The following CSMD1 variants were observed in gnomAD, a reference collection of about 807,000 sequenced individuals.
The protein encoded by CSMD1 is CUB and sushi domain-containing protein 1.
In CSMD1, 213 loss-of-function variants were observed where a neutral mutation model predicts 417.5. That is an observed-to-expected ratio of 0.51 (90% CI 0.46 to 0.57). The LOEUF (loss-of-function observed/expected upper bound fraction) is 0.57. Among genes scored for constraint, CSMD1 ranks in the 20% least tolerant of loss-of-function variants. The probability of loss-of-function intolerance (pLI) is 0.00; values close to 1 mark genes in which losing one functional copy is unlikely to be tolerated. For missense variants in CSMD1, 6,923 were observed against 4,529.7 expected (o/e 1.53, Z -15.17); for synonymous variants, 2,862 against 1,736.8 (o/e 1.65, Z -16.11).
intron 7 of CSMD1, among the ~76,000 whole-genome samples, chr8:3,646,659 G>A (rs1045995886): frequency 1.3e-5 from 2 of 152,154 alleles, no homozygotes; most frequent in South Asian, 2.1e-4. Context: ...CGTGCTCAGA[G>A]GGCCAAGACT....
chr8:3,163,332 T>C (rs1411631678), intron 37 of CSMD1, among the ~76,000 whole-genome samples: 1 of 152,050 alleles, frequency 6.6e-6, no homozygotes, highest in East Asian at 1.9e-4. Flanking sequence ...AGGAGAGAAC[T>C]TATCAGATTA....
chr8:4,417,216 G>A (rs149060864), intron 3 of CSMD1, among the ~76,000 whole-genome samples: 12 of 152,050 alleles, frequency 7.9e-5, no homozygotes, highest in African/African-American at 2.6e-4. Context: ...GTTCCCACTG[G>A]ATTTCCAGAG....
At position 3,409,639 on chromosome 8, in the gene CSMD1, A is replaced by G. The variant is rs762417923; in HGVS notation, c.1562-34T>C. 19 of 1,487,398 alleles carry G rather than the reference A, an allele frequency of 1.3e-5. No individual in the cohort carries two copies. The East Asian group carries it at 4.4e-4, about 34-fold the overall frequency. The allele number at this position is 1,487,398 out of a possible 1,614,324, so 92.1% of individuals were successfully genotyped here. A position where few individuals can be genotyped will look rare whatever the true frequency, so the allele number is the denominator to read the frequency against. On this transcript the variant is annotated intron_variant, in intron 12 of 69. Transcript: ENST00000635120. ...GGAAAAACAAATGAACCCTTAAAAA[A>G]ACACACACAAGGAATATTTTTATCT... is the stretch of plus-strand genomic sequence containing the variant.
intron 3 of CSMD1, among the ~76,000 whole-genome samples, chr8:4,054,205 G>C (rs899281098): frequency 2.0e-5 from 3 of 152,142 alleles, no homozygotes; most frequent in Non-Finnish European, 4.4e-5. Flanking sequence ...GAGAAGAAAT[G>C]ATTTGGCGCC....
At chr8:4,770,819 A>C (rs1009344719) in intron 1 of CSMD1, among the ~76,000 whole-genome samples, 59 of 152,142 alleles carry the variant, frequency 3.9e-4, no homozygotes, top group Non-Finnish European at 2.6e-4. Context: ...AAAATGAATA[A>C]AAATCCTAAA....
rs140656668 is a variant in CSMD1, at chr8:4,794,703, T to A, written c.86-157145A>T. Among the ~76,000 whole-genome samples the A allele has an allele frequency of 1.3e-5, 2 of 152,210 alleles. 1 individual carries two copies. The highest frequency in any genetic ancestry group is 3.8e-4 in the East Asian group (2 of 5,198). On this transcript the variant is annotated intron_variant, in intron 1 of 69. Coordinates refer to ENST00000635120, the MANE Select transcript of CSMD1 (RefSeq NM_033225.6). ...TATTGGCCCATCTCTCTTAAGGCCA[T>A]GTGGCAGAGTATTTTCTCAGGAAAA...
chr8:3,387,734 A>C, intron 17 of CSMD1, 52 bp from the exon 18 acceptor site: 1 of 1,438,556 alleles, frequency 7.0e-7, no homozygotes, highest in Non-Finnish European at 9.5e-7. Context: ...GTTGATTGAA[A>C]ATAATAGAGA....
intron 3 of CSMD1, among the ~76,000 whole-genome samples, chr8:4,187,922 A>C (rs1411117251): frequency 6.6e-6 from 1 of 152,090 alleles, no homozygotes; most frequent in African/African-American, 2.4e-5. Flanking sequence ...TTGTTAATAA[A>C]ATACAAAACA....
At chr8:4,214,155 C>T (rs544837918) in intron 3 of CSMD1, among the ~76,000 whole-genome samples, 1 of 152,072 alleles carries the variant, frequency 6.6e-6, no homozygotes, top group African/African-American at 2.4e-5. Flanking sequence ...TGGATCTCTA[C>T]TTTGTATTTT....
intron 25 of CSMD1, among the ~76,000 whole-genome samples, chr8:3,288,718 T>G (rs937067424): frequency 6.8e-6 from 1 of 147,250 alleles, no homozygotes; most frequent in Non-Finnish European, 1.5e-5. Flanking sequence ...TGATAGCAGT[T>G]TATCAATTTT....
intron 3 of CSMD1, among the ~76,000 whole-genome samples, chr8:4,200,108 T>C (rs1280613765): frequency 6.6e-6 from 1 of 152,222 alleles, no homozygotes. Flanking sequence ...TTATTTGAGA[T>C]TATAACAACT....
chr8:4,202,867 G>C (rs1264273128), intron 3 of CSMD1, among the ~76,000 whole-genome samples: 9 of 152,210 alleles, frequency 5.9e-5, no homozygotes, highest in Non-Finnish European at 1.3e-4. Flanking sequence ...AGGTACCTGA[G>C]AAATAGAGGG....
intron 3 of CSMD1, among the ~76,000 whole-genome samples, chr8:4,362,352 G>C (rs752450502): frequency 9.9e-5 from 15 of 152,096 alleles, no homozygotes; most frequent in South Asian, 2.1e-4. Context: ...AAGCTCATCT[G>C]TCTGCCCCCT....
intron 5 of CSMD1, among the ~76,000 whole-genome samples, chr8:3,906,257 A>G (rs78098849): frequency 0.012 from 1,792 of 151,918 alleles, 39 homozygotes; most frequent in African/African-American, 0.04. Flanking sequence ...TTAAGTTACA[A>G]TGTGTGCTGC....
chr8:4,579,150 G>A (rs1554517145), intron 2 of CSMD1, among the ~76,000 whole-genome samples: 1 of 151,890 alleles, frequency 6.6e-6, no homozygotes, highest in Non-Finnish European at 1.5e-5. Context: ...TGAAAAAGTG[G>A]CCTGTGAGGA....
At chr8:3,229,685 G>A (rs964714349) in intron 27 of CSMD1, among the ~76,000 whole-genome samples, 1 of 152,084 alleles carries the variant, frequency 6.6e-6, no homozygotes, top group Non-Finnish European at 1.5e-5. Flanking sequence ...TTGCTTAAGG[G>A]CATGTTTCTA....
chr8:4,675,057 C>G (rs191801383), intron 1 of CSMD1, among the ~76,000 whole-genome samples: 3 of 152,268 alleles, frequency 2.0e-5, no homozygotes, highest in African/African-American at 7.2e-5. Flanking sequence ...GCACAGGGCT[C>G]CAGAACTGCG....
chr8:4,342,120 T>C (rs539878358), intron 3 of CSMD1, among the ~76,000 whole-genome samples: 1 of 152,100 alleles, frequency 6.6e-6, no homozygotes, highest in South Asian at 2.1e-4. Flanking sequence ...CTCCACAATC[T>C]CTAACAAGAC....
chr8:4,688,549 A>C (rs946680451), intron 1 of CSMD1, among the ~76,000 whole-genome samples: 1 of 152,206 alleles, frequency 6.6e-6, no homozygotes, highest in East Asian at 1.9e-4. Flanking sequence ...ATGGCTCTTA[A>C]TTAAATGGTC....
Sources: allele counts gnomAD v4.1 joint callset (sites outside exome capture counted in the v4.1 genomes callset), GRCh38; gene constraint gnomAD v4.1.1; transcripts MANE v1.5; gene names NCBI Gene and HGNC (gene_info 2026-07-23, HGNC 2026-07-21).